IMMP2L: variants seen among roughly 807,000 people sequenced by gnomAD.
IMMP2L encodes mitochondrial inner membrane protease subunit 2.
Under a neutral mutation model 19.3 loss-of-function variants are expected in IMMP2L, and 18 were observed. The observed-to-expected ratio is 0.93, with a 90% CI of 0.64 to 1.38. The LOEUF (loss-of-function observed/expected upper bound fraction) is 1.38. Ranked by LOEUF, IMMP2L falls within the 40% of genes most tolerant of loss-of-function variation. The probability of loss-of-function intolerance (pLI) is 0.00; values close to 1 mark genes in which losing one functional copy is unlikely to be tolerated. For missense variants in IMMP2L, 233 were observed against 218.2 expected, an observed-to-expected ratio of 1.07 and a Z score of -0.43; for synonymous variants, 76 against 73.0, an observed-to-expected ratio of 1.04 and a Z score of -0.21.
At chr7:111,293,662 T>C (rs976208179) in intron 3 of IMMP2L, among the ~76,000 whole-genome samples, 1 of 152,000 alleles carries the variant, frequency 6.6e-6, no homozygotes, top group African/African-American at 2.4e-5. Context: ...CTATGTAATG[T>C]AATCTTAGCA....
intron 3 of IMMP2L, among the ~76,000 whole-genome samples, chr7:111,395,939 C>T (rs1484821782): frequency 2.0e-5 from 3 of 152,142 alleles, no homozygotes; most frequent in African/African-American, 7.2e-5. Flanking sequence ...GAGATGCCAT[C>T]TCATGCCAGT....
intron 3 of IMMP2L, among the ~76,000 whole-genome samples, chr7:110,987,926 G>A (rs1217830379): frequency 6.6e-6 from 1 of 152,098 alleles, no homozygotes; most frequent in Non-Finnish European, 1.5e-5. Context: ...TTGAGGGATG[G>A]CTCATTATCC....
At chr7:111,489,183 A>G (rs1027219189) in intron 2 of IMMP2L, among the ~76,000 whole-genome samples, 6 of 151,646 alleles carry the variant, frequency 4.0e-5, no homozygotes, top group Admixed American at 1.3e-4. Flanking sequence ...AGCTGGGACT[A>G]GAGGCGCCTG....
chr7:111,432,617 T>C (rs1289900790), intron 3 of IMMP2L, among the ~76,000 whole-genome samples: 1 of 151,660 alleles, frequency 6.6e-6, no homozygotes, highest in Non-Finnish European at 1.5e-5. Context: ...TTTTACTTAA[T>C]ATGGAAAAGT....
At chr7:110,783,441 T>C (rs954591351) in intron 5 of IMMP2L, among the ~76,000 whole-genome samples, 3 of 151,852 alleles carry the variant, frequency 2.0e-5, no homozygotes, top group Non-Finnish European at 2.9e-5. Context: ...GTTGTTTCTA[T>C]TACAACAGGA....
intron 5 of IMMP2L, among the ~76,000 whole-genome samples, chr7:110,695,352 C>T (rs1793807872): frequency 6.6e-6 from 1 of 151,960 alleles, no homozygotes; most frequent in Admixed American, 6.6e-5. Flanking sequence ...CCACCACCCC[C>T]AGCTAATTTT....
At chr7:111,254,681 T>C (rs1167072269) in intron 3 of IMMP2L, among the ~76,000 whole-genome samples, 1 of 152,124 alleles carries the variant, frequency 6.6e-6, no homozygotes, top group East Asian at 1.9e-4. Context: ...ACATGAGAGA[T>C]TGGTTCCAGG....
rs1834755295 is a variant in IMMP2L at position 111,414,325 on chromosome 7, T to C, written c.239+72913A>G. Among the ~76,000 whole-genome samples, 2 of 151,776 alleles carry C rather than the reference T, an allele frequency of 1.3e-5. 1 individual carries two copies. The highest frequency in any genetic ancestry group is 4.1e-4 in the South Asian group (2 of 4,832). On this transcript the variant is annotated intron_variant, in intron 3 of 5. Coordinates refer to ENST00000405709, the MANE Select transcript of IMMP2L (RefSeq NM_032549.4). ...ACTAGGGTGCATCCATGTAATCAAA[T>C]ATTAGTGAGTGATTTAAAAAATCAT...
At chr7:111,047,019 A>C (rs569191888) in intron 3 of IMMP2L, among the ~76,000 whole-genome samples, 1 of 152,156 alleles carries the variant, frequency 6.6e-6, no homozygotes, top group Non-Finnish European at 1.5e-5. Context: ...CTCCTTTGCT[A>C]CTTTCATATA....
intron 5 of IMMP2L, among the ~76,000 whole-genome samples, chr7:110,735,505 A>G (rs954156005): frequency 1.3e-5 from 2 of 151,920 alleles, no homozygotes; most frequent in African/African-American, 2.4e-5. Flanking sequence ...CATCAAGACA[A>G]TGAATGAGGC....
intron 4 of IMMP2L, among the ~76,000 whole-genome samples, chr7:110,942,561 T>C (rs894635070): frequency 4.6e-5 from 7 of 151,868 alleles, no homozygotes; most frequent in African/African-American, 1.7e-4. Flanking sequence ...CTTCTGAATA[T>C]ATATTTAAAA....
chr7:111,283,760 A>C (rs989340551), intron 3 of IMMP2L, among the ~76,000 whole-genome samples: 2 of 151,786 alleles, frequency 1.3e-5, no homozygotes, highest in African/African-American at 4.8e-5. Flanking sequence ...TCACGAGGTC[A>C]GGAGATCGAG....
intron 4 of IMMP2L, among the ~76,000 whole-genome samples, chr7:110,953,320 C>A (rs989493103): frequency 2.6e-5 from 4 of 151,786 alleles, no homozygotes; most frequent in African/African-American, 9.7e-5. Context: ...TCTCCTTGTC[C>A]CCCACCCCCC....
intron 5 of IMMP2L, among the ~76,000 whole-genome samples, chr7:110,730,985 A>G (rs142719017): frequency 6.6e-6 from 1 of 152,346 alleles, no homozygotes; most frequent in Admixed American, 6.5e-5. Flanking sequence ...AGTATATACA[A>G]AACTAAATCA....
chr7:111,500,641 G>A (rs111510865), intron 2 of IMMP2L, among the ~76,000 whole-genome samples: 2,958 of 152,146 alleles, frequency 0.019, 102 homozygotes, highest in African/African-American at 0.067. Flanking sequence ...GAGCATTTGC[G>A]GATCACCAAC....
At chr7:110,776,503 A>G (rs1381720201) in intron 5 of IMMP2L, among the ~76,000 whole-genome samples, 1 of 152,006 alleles carries the variant, frequency 6.6e-6, no homozygotes, top group Non-Finnish European at 1.5e-5. Flanking sequence ...TTCTGATCCT[A>G]CCACTATAAT....
chr7:111,206,939 TA>T (rs35550604), intron 3 of IMMP2L, among the ~76,000 whole-genome samples: 1 of 151,912 alleles, frequency 6.6e-6, no homozygotes, highest in Non-Finnish European at 1.5e-5. Context: ...AATAAGTGGA[TA>T]AAAAAAAGAC....
At chr7:111,037,555 A>G (rs73435151) in intron 3 of IMMP2L, among the ~76,000 whole-genome samples, 5,242 of 152,194 alleles carry the variant, frequency 0.034, 303 homozygotes, top group African/African-American at 0.12. Flanking sequence ...TATTTTGTGA[A>G]AAGGGGTCAT....
At chr7:111,168,039 A>G (rs1435914765) in intron 3 of IMMP2L, among the ~76,000 whole-genome samples, 1 of 151,898 alleles carries the variant, frequency 6.6e-6, no homozygotes, top group Non-Finnish European at 1.5e-5. Flanking sequence ...AAACAGTAAA[A>G]TTTTTGCATA....
Sources: gnomAD v4.1 joint callset for allele counts (sites outside exome capture counted in the v4.1 genomes callset) on GRCh38, gnomAD v4.1.1 for gene constraint, MANE v1.5 for transcripts, NCBI Gene and HGNC (gene_info 2026-07-23, HGNC 2026-07-21) for gene names.